The following FRAS1 variants were observed in gnomAD, a reference collection of about 807,000 sequenced individuals.
FRAS1 encodes Fraser extracellular matrix complex subunit 1, also known as extracellular matrix organizing protein FRAS1.
A neutral mutation model predicts 435.2 loss-of-function variants in FRAS1; 290 were observed. The observed-to-expected ratio is 0.67, with a 90% confidence interval of 0.61 to 0.73. The LOEUF (loss-of-function observed/expected upper bound fraction) is 0.73, where lower values mean the gene tolerates loss of function less well. Ranked by LOEUF, FRAS1 falls within the 30% of genes least tolerant of loss-of-function variation. FRAS1 has a pLI of 0.00. For missense variants in FRAS1, 4,860 were observed against 5,001.5 expected, an observed-to-expected ratio of 0.97 and a Z score of 0.85; for synonymous variants, 1,800 against 1,851.0, an observed-to-expected ratio of 0.97 and a Z score of 0.71.
At chr4:78,158,841 C>T (rs146034311) in intron 2 of FRAS1, among the ~76,000 whole-genome samples, 36 of 152,194 alleles carry the variant, frequency 2.4e-4, no homozygotes, top group Non-Finnish European at 3.7e-4. Context: ...GCTGCCGTTC[C>T]GTCTTTACAT....
At chr4:78,498,217 A>G (rs148114349) in intron 60 of FRAS1, among the ~76,000 whole-genome samples, 1 of 152,202 alleles carries the variant, frequency 6.6e-6, no homozygotes, top group African/African-American at 2.4e-5. Context: ...TTAAAGTATA[A>G]TTTTAAAAAA....
intron 2 of FRAS1, among the ~76,000 whole-genome samples, chr4:78,114,288 C>T (rs1420017025): frequency 1.3e-5 from 2 of 152,122 alleles, no homozygotes; most frequent in Non-Finnish European, 2.9e-5. Flanking sequence ...GTTCTTTTGG[C>T]TTAGGATTGA....
chr4:78,075,568 G>A (rs1740599500), intron 2 of FRAS1, among the ~76,000 whole-genome samples: 2 of 152,188 alleles, frequency 1.3e-5, no homozygotes, highest in African/African-American at 4.8e-5. Context: ...TGAAGTGGCA[G>A]AGCTCCAGAT....
chr4:78,096,677 C>T (rs1741824563), intron 2 of FRAS1, among the ~76,000 whole-genome samples: 1 of 152,312 alleles, frequency 6.6e-6, no homozygotes, highest in South Asian at 2.1e-4. Context: ...TCTACATTGG[C>T]CCCTTTCAGC....
intron 2 of FRAS1, among the ~76,000 whole-genome samples, chr4:78,089,887 T>C (rs916720925): frequency 1.3e-5 from 2 of 152,110 alleles, no homozygotes; most frequent in African/African-American, 4.8e-5. Flanking sequence ...AATAGTTACT[T>C]TTTCTGCTCC....
intron 6 of FRAS1, among the ~76,000 whole-genome samples, chr4:78,256,893 T>C (rs559079571): frequency 9.2e-5 from 14 of 152,300 alleles, no homozygotes; most frequent in African/African-American, 2.9e-4. Flanking sequence ...ATTATTAAAT[T>C]TTGGATGTTT....
In FRAS1 at chr4:78,540,660, G is replaced by T; in HGVS notation, c.11575G>T (p.Asp3859Tyr). Residue 3859 changes from aspartate (D) to tyrosine (Y), a missense_variant, in exon 74 of 74, where the codon GAT becomes TAT. By Grantham distance (160) the Asp-to-Tyr change is radical (BLOSUM62 -3). Coordinates refer to ENST00000512123, the MANE Select transcript of FRAS1 (RefSeq NM_025074.7). ...RRNRRDLVEPDGQLILDDSLI... is the reference protein window; with the variant it reads ...RRNRRDLVEPYGQLILDDSLI... Reference sequence around the variant, plus strand: ...CAACCGAAGGGACCTGGTAGAGCCCGATGGCCAGCTGATCCTTGATGATTC... The same window carrying T: ...CAACCGAAGGGACCTGGTAGAGCCCTATGGCCAGCTGATCCTTGATGATTC... 1 of 1,612,222 alleles carries T rather than the reference G, an allele frequency of 6.2e-7. No homozygotes were observed. Among genetic ancestry groups the T allele is most frequent in the Non-Finnish European group, 8.5e-7 (1 of 1,178,872 alleles).
chr4:78,360,433 A>G (rs901713486), intron 20 of FRAS1, among the ~76,000 whole-genome samples: 9 of 152,202 alleles, frequency 5.9e-5, no homozygotes, highest in African/African-American at 2.2e-4. Context: ...ACAGTAGGCA[A>G]TGGAGAGCAT....
chr4:78,161,251 A>T (rs1340007386), intron 2 of FRAS1, among the ~76,000 whole-genome samples: 1 of 152,214 alleles, frequency 6.6e-6, no homozygotes, highest in African/African-American at 2.4e-5. Flanking sequence ...TATTTTTCAG[A>T]TCTCTAATCC....
intron 30 of FRAS1, among the ~76,000 whole-genome samples, chr4:78,407,055 A>G (rs1733127502): frequency 1.3e-5 from 2 of 152,272 alleles, no homozygotes; most frequent in South Asian, 4.1e-4. Context: ...TATATAAAAC[A>G]TAAATGAGTT....
intron 2 of FRAS1, among the ~76,000 whole-genome samples, chr4:78,201,572 C>G (rs566135525): frequency 1.3e-5 from 2 of 152,260 alleles, no homozygotes; most frequent in East Asian, 3.9e-4. Flanking sequence ...TTTATAAGGG[C>G]TCTGAGCTCT....
At chr4:78,287,796 C>T (rs1727681625) in intron 14 of FRAS1, among the ~76,000 whole-genome samples, 1 of 152,132 alleles carries the variant, frequency 6.6e-6, no homozygotes, top group African/African-American at 2.4e-5. Flanking sequence ...AAGCGGAGCT[C>T]ATGGGGTTGT....
Position 78,400,861 on chromosome 4 carries a change from A to G in FRAS1, c.4103A>G (p.Lys1368Arg), listed in dbSNP as rs2110345451. The G allele has an allele frequency of 1.2e-6, 2 of 1,613,752 alleles. No homozygotes were observed. The highest frequency in any genetic ancestry group is 1.7e-6 in the Non-Finnish European group (2 of 1,179,790). Residue 1368 changes from lysine (K) to arginine (R), a missense_variant, in exon 30 of 74, where the codon AAG (lysine) becomes AGG (arginine). Physicochemically the swap from Lys to Arg is conservative, Grantham distance 26. Coordinates refer to ENST00000512123, the MANE Select transcript of FRAS1 (RefSeq NM_025074.7). ...PGASAEEIIY[K>R]ITQDYPQFGE... is the part of the protein sequence containing the mutation. ...GCCAGTGCTGAAGAAATCATCTACA[A>G]GATTACACAAGACTACCCCCAGTTT...
At chr4:78,439,443 G>C (rs1009370493) in intron 40 of FRAS1, among the ~76,000 whole-genome samples, 1 of 152,102 alleles carries the variant, frequency 6.6e-6, no homozygotes, top group Non-Finnish European at 1.5e-5. Flanking sequence ...TCAGTACTTA[G>C]CACTGTAAAC....
chr4:78,502,602 G>A (rs966940666), intron 61 of FRAS1, among the ~76,000 whole-genome samples: 1 of 152,132 alleles, frequency 6.6e-6, no homozygotes, highest in African/African-American at 2.4e-5. Context: ...TATCAGCTTA[G>A]GGAGATTTTG....
chr4:78,382,253 C>T (rs1053457078), intron 27 of FRAS1, among the ~76,000 whole-genome samples: 7 of 151,658 alleles, frequency 4.6e-5, no homozygotes, highest in East Asian at 3.9e-4. Flanking sequence ...AGGGGTGGTA[C>T]TCTCATCAGT....
intron 2 of FRAS1, among the ~76,000 whole-genome samples, chr4:78,182,396 T>C (rs908083422): frequency 2.6e-5 from 4 of 152,146 alleles, no homozygotes; most frequent in Admixed American, 2.0e-4. Flanking sequence ...GTCTGGATCT[T>C]AGAAGACAAG....
At chr4:78,420,602 T>C (rs1221148517) in intron 33 of FRAS1, among the ~76,000 whole-genome samples, 2 of 105,130 alleles carry the variant, frequency 1.9e-5, no homozygotes, top group Non-Finnish European at 5.0e-5. Context: ...TCAAGACCCA[T>C]GTTACTGTAG....
In FRAS1 at chr4:78,539,321, A is replaced by C; in HGVS notation, c.11326A>C (p.Lys3776Gln). Residue 3776 changes from lysine to glutamine, a missense_variant, in exon 73 of 74, where the codon AAG (lysine) becomes CAG (glutamine). Lys to Gln is a moderately conservative substitution (Grantham distance 53, BLOSUM62 1). Coordinates refer to ENST00000512123, the MANE Select transcript of FRAS1 (RefSeq NM_025074.7). ...CCGCAATCAGCCAGAGGTAACTGAT[A>C]AGTACTTCCATGATGTGCCTTTTGA... ...LDRNQPEVTD[K>Q]YFHDVPFEAH... The C allele has an allele frequency of 3.1e-6, 5 of 1,611,590 alleles. No individual in the cohort carries two copies. Among genetic ancestry groups the C allele is most frequent in the Non-Finnish European group, 4.2e-6 (5 of 1,179,164 alleles).
Sources: gnomAD v4.1 joint callset for allele counts (sites outside exome capture counted in the v4.1 genomes callset) on GRCh38, gnomAD v4.1.1 for gene constraint, MANE v1.5 for transcripts, NCBI Gene and HGNC (gene_info 2026-07-23, HGNC 2026-07-21) for gene names.